Variants in ZNF704 observed in about 807,000 individuals in gnomAD.
ZNF704 encodes the protein zinc finger protein 704, also known as glucocorticoid induced gene 1.
A neutral mutation model predicts 44.7 loss-of-function variants in ZNF704; 10 were observed. That is an observed-to-expected ratio of 0.22 (90% CI 0.14 to 0.38). The LOEUF is 0.38. Among genes scored for constraint, ZNF704 ranks in the 10% least tolerant of loss-of-function variants. The pLI is 1.00. For missense variants in ZNF704, 390 were observed against 545.5 expected (o/e 0.71, Z 2.84); for synonymous variants, 211 against 207.6 (o/e 1.02, Z -0.14).
chr8:80,692,682 T>G (rs1327314793), intron 3 of ZNF704, among the ~76,000 whole-genome samples: 1 of 152,154 alleles, frequency 6.6e-6, no homozygotes, highest in African/African-American at 2.4e-5. Context: ...GGGAAAATAA[T>G]TCATTAGCTC....
chr8:80,728,112 C>T (rs921095704), intron 2 of ZNF704, among the ~76,000 whole-genome samples: 1 of 152,130 alleles, frequency 6.6e-6, no homozygotes, highest in Non-Finnish European at 1.5e-5. Flanking sequence ...TTATTTAGCT[C>T]TTGTTTTATG....
Position 80,643,125 on chromosome 8 carries a change from G to T in ZNF704, c.1037C>A (p.Ser346Ter). The change falls in exon 8 of 9, where the codon TCA (serine) becomes TAA (stop). Residue 346 changes from serine to a stop codon, truncating the protein, a stop_gained. Coordinates refer to ENST00000327835, the MANE Select transcript of ZNF704 (RefSeq NM_001033723.3). LOFTEE classifies it high-confidence loss of function. ...TGTGCCCACCGGATGATGTGTGGGT[G>T]ACACCTGGTGAATACATGGAAAAGA... ...PPVTFTGIPV[S>*]PTHHPVGTGE... 6.2e-7 allele frequency: 1 copy of T among 1,601,614 alleles called. No individual in the cohort carries two copies. The highest frequency in any genetic ancestry group is 8.5e-7 in the Non-Finnish European group (1 of 1,173,664).
Position 80,640,604 on chromosome 8 carries a change from A to G in ZNF704, c.*762T>C, listed in dbSNP as rs1314192225. The G allele has an allele frequency of 6.6e-6, 1 of 152,180 alleles. No homozygotes were observed. Among genetic ancestry groups the G allele is most frequent in the African/African-American group, 2.4e-5 (1 of 41,430 alleles). The allele number at this position is 152,180 out of a possible 1,614,324, so 9.4% of individuals were successfully genotyped here. On this transcript the variant is annotated 3_prime_UTR_variant, in exon 9 of 9. Transcript: ENST00000327835. ...AGTTAGCTGTGCTGCCTTTAGGGGA[A>G]GAGCTTCTTATGGATCCAAGGAAGA...
intron 2 of ZNF704, among the ~76,000 whole-genome samples, chr8:80,758,693 G>A (rs1005879882): frequency 6.6e-6 from 1 of 151,748 alleles, no homozygotes; most frequent in Non-Finnish European, 1.5e-5. Flanking sequence ...AACCACATAA[G>A]GTAGGCATCC....
intron 2 of ZNF704, among the ~76,000 whole-genome samples, chr8:80,780,468 A>G (rs1333081374): frequency 6.6e-6 from 1 of 152,068 alleles, no homozygotes; most frequent in African/African-American, 2.4e-5. Flanking sequence ...CCTCAAAAAG[A>G]TGTCCCTGTC....
At chr8:80,765,400 T>C (rs78388701) in intron 2 of ZNF704, among the ~76,000 whole-genome samples, 9,593 of 152,234 alleles carry the variant, frequency 0.063, 328 homozygotes, top group Non-Finnish European at 0.079. Flanking sequence ...CAGGTTTCCA[T>C]GTATTCCTTA....
chr8:80,801,677 G>A (rs1288442290), intron 2 of ZNF704, among the ~76,000 whole-genome samples: 3 of 152,130 alleles, frequency 2.0e-5, no homozygotes, highest in Non-Finnish European at 2.9e-5. Context: ...TGTTAAGGGG[G>A]AAATTTATAG....
At chr8:80,774,751 T>A (rs1180347019) in intron 2 of ZNF704, among the ~76,000 whole-genome samples, 1 of 152,212 alleles carries the variant, frequency 6.6e-6, no homozygotes, top group Non-Finnish European at 1.5e-5. Flanking sequence ...CCTTCTGTGG[T>A]GTTCGGCTAG....
In ZNF704 at chr8:80,780,840, T is replaced by C. The variant is rs1807510609; in HGVS notation, c.221+40534A>G. On this transcript the variant is annotated intron_variant, in intron 2 of 8. Transcript: ENST00000327835. ...ATTTTGGACTTCTGGCCTCCAGAAC[T>C]GTGAAAGAACAAACTTCTGTTGGTC... Among the ~76,000 whole-genome samples the C allele has an allele frequency of 3.9e-5, 6 of 152,158 alleles. No individual in the cohort carries two copies. In the South Asian group the frequency reaches 1.3e-3, roughly 32 times the overall value.
intron 2 of ZNF704, among the ~76,000 whole-genome samples, chr8:80,769,991 C>T (rs911518121): frequency 2.8e-4 from 43 of 152,254 alleles, no homozygotes; most frequent in Admixed American, 1.7e-3. Flanking sequence ...GAAAGGCACG[C>T]CTCACATGGT....
rs1809320704 is a variant in ZNF704, at chr8:80,874,257, C to G, written c.-22+314G>C. Among the ~76,000 whole-genome samples the G allele has an allele frequency of 6.9e-6, 1 of 144,448 alleles. No homozygotes were observed. Among genetic ancestry groups the G allele is most frequent in the African/African-American group, 2.5e-5 (1 of 40,328 alleles). 94.8% of individuals were successfully genotyped at this position (144,448 alleles called of 152,430 possible). A position where few individuals can be genotyped will look rare whatever the true frequency, so the allele number is the denominator to read the frequency against. ...CGGCGGGGACGCCGGCGGCCGGCGG[C>G]TACGGCGGGGCGGCGCGGCGGCCGC... On this transcript the variant is annotated intron_variant, in intron 1 of 8. Transcript: ENST00000327835. The surrounding 1 kb of genome is among the most constrained non-coding windows in gnomAD (Gnocchi z 4.4).
intron 2 of ZNF704, among the ~76,000 whole-genome samples, chr8:80,790,689 G>A (rs1162070889): frequency 1.3e-5 from 2 of 152,106 alleles, no homozygotes; most frequent in South Asian, 2.1e-4. Flanking sequence ...CAGAGGTCCC[G>A]GGGTGAGATG....
chr8:80,834,497 C>T (rs968379751), intron 1 of ZNF704, among the ~76,000 whole-genome samples: 27 of 147,924 alleles, frequency 1.8e-4, no homozygotes, highest in Admixed American at 1.3e-3. Context: ...GCTGGGTTTA[C>T]GACAGCAAGT....
intron 1 of ZNF704, among the ~76,000 whole-genome samples, chr8:80,829,305 G>T (rs1808430416): frequency 6.6e-6 from 1 of 152,108 alleles, no homozygotes; most frequent in Admixed American, 6.6e-5. Context: ...CCTGGAGGTG[G>T]GGGGAGAGGG....
At chr8:80,858,968 T>A (rs952780950) in intron 1 of ZNF704, among the ~76,000 whole-genome samples, 1 of 152,212 alleles carries the variant, frequency 6.6e-6, no homozygotes, top group African/African-American at 2.4e-5. Flanking sequence ...TTAACTAGAT[T>A]AAGCTGTTTG....
At chr8:80,678,118 G>C (rs951323275) in intron 4 of ZNF704, among the ~76,000 whole-genome samples, 1 of 152,188 alleles carries the variant, frequency 6.6e-6, no homozygotes, top group Admixed American at 6.5e-5. Flanking sequence ...TGGAAAATCT[G>C]CTGTAGGAAA....
chr8:80,801,697 C>G (rs558842872), intron 2 of ZNF704, among the ~76,000 whole-genome samples: 2 of 151,986 alleles, frequency 1.3e-5, no homozygotes, highest in African/African-American at 4.8e-5. Context: ...GCACTAAATG[C>G]CCACATCAAA....
At chr8:80,678,905 G>C (rs1818409149) in intron 4 of ZNF704, among the ~76,000 whole-genome samples, 1 of 152,124 alleles carries the variant, frequency 6.6e-6, no homozygotes, top group South Asian at 2.1e-4. Flanking sequence ...AGGCAGCTGG[G>C]AGGCAGGAGA....
chr8:80,829,255 A>C (rs1808429078), intron 1 of ZNF704, among the ~76,000 whole-genome samples: 1 of 152,236 alleles, frequency 6.6e-6, no homozygotes, highest in Admixed American at 6.5e-5. Context: ...AAGTATGTTA[A>C]ACATCCATCA....
Sources: gnomAD v4.1 joint callset for allele counts (sites outside exome capture counted in the v4.1 genomes callset) on GRCh38, gnomAD v4.1.1 for gene constraint, Gnocchi (gnomAD v3.1) non-coding constraint, MANE v1.5 for transcripts, NCBI Gene and HGNC (gene_info 2026-07-23, HGNC 2026-07-21) for gene names.